LYPD6B: variants seen among roughly 807,000 people sequenced by gnomAD.
LYPD6B encodes the protein LY6/PLAUR domain containing 6B, also known as ly6/PLAUR domain-containing protein 6B.
LYPD6B carries 17 observed loss-of-function variants against 22.8 expected under a neutral mutation model. The ratio of observed to expected loss-of-function variants is 0.75; its 90% CI spans 0.51 to 1.12. The LOEUF (loss-of-function observed/expected upper bound fraction) is 1.12, where lower values mean the gene tolerates loss of function less well. Among genes scored for constraint, LYPD6B ranks in the 50% most tolerant of loss-of-function variants. The pLI is 0.00. For missense variants in LYPD6B, 221 were observed against 258.3 expected (o/e 0.86, Z 0.99); for synonymous variants, 106 against 91.6 (o/e 1.16, Z -0.90).
At chr2:149,072,587 A>G (rs1192131610) in intron 1 of LYPD6B, among the ~76,000 whole-genome samples, 1 of 148,950 alleles carries the variant, frequency 6.7e-6, no homozygotes, top group Non-Finnish European at 1.5e-5. Flanking sequence ...CCCAGGCTGG[A>G]GTGCAGTGGC....
chr2:149,080,863 A>C (rs1467691366), intron 1 of LYPD6B, among the ~76,000 whole-genome samples: 1 of 129,230 alleles, frequency 7.7e-6, no homozygotes, highest in African/African-American at 2.8e-5. Context: ...AAAAAAAAAA[A>C]AAAACCACAC....
intron 5 of LYPD6B, 41 bp downstream of exon 5, chr2:149,208,453 C>T (rs1306745788): frequency 2.8e-6 from 4 of 1,419,800 alleles, no homozygotes; most frequent in Non-Finnish European, 4.0e-6. Flanking sequence ...GATCTCATTT[C>T]ATTTGAATCT....
chr2:149,064,737 A>T (rs2105333527), intron 1 of LYPD6B, among the ~76,000 whole-genome samples: 1 of 152,342 alleles, frequency 6.6e-6, no homozygotes, highest in Middle Eastern at 3.4e-3. Context: ...TAAATGGCAG[A>T]TGTGGCGTTT....
intron 1 of LYPD6B, among the ~76,000 whole-genome samples, chr2:149,053,963 C>T (rs746988057): frequency 3.3e-5 from 5 of 152,144 alleles, no homozygotes; most frequent in Admixed American, 1.3e-4. Flanking sequence ...AATAATATTC[C>T]GTTGTACGAA....
intron 1 of LYPD6B, among the ~76,000 whole-genome samples, chr2:149,096,920 C>A (rs1685929135): frequency 6.6e-6 from 1 of 152,190 alleles, no homozygotes; most frequent in Non-Finnish European, 1.5e-5. Flanking sequence ...ACCTTTAAAA[C>A]TCCAGTTGTT....
At chr2:149,076,655 A>G (rs1266297851) in intron 1 of LYPD6B, among the ~76,000 whole-genome samples, 1 of 152,206 alleles carries the variant, frequency 6.6e-6, no homozygotes, top group Non-Finnish European at 1.5e-5. Context: ...TCTGTGAAAA[A>G]AAGACAAGAA....
rs763241955 is a variant in LYPD6B, at chr2:149,214,735, A to G, written c.*25A>G. The G allele has an allele frequency of 6.2e-7, 1 of 1,612,464 alleles. No homozygotes were observed. The highest frequency in any genetic ancestry group is 8.5e-7 in the Non-Finnish European group (1 of 1,178,590). On this transcript the variant is annotated 3_prime_UTR_variant, in exon 7 of 7. Coordinates refer to ENST00000409642, the MANE Select transcript of LYPD6B (RefSeq NM_177964.5). The stretch of plus-strand genomic sequence containing the variant: ...ATGCCACCATTCCTAGGAGAGGCAG[A>G]GACCAGCCTCTAAAGCACAAGCCAA...
intron 1 of LYPD6B, among the ~76,000 whole-genome samples, chr2:149,058,528 C>T (rs1683911218): frequency 6.6e-6 from 1 of 152,198 alleles, no homozygotes; most frequent in Non-Finnish European, 1.5e-5. Context: ...AGAAACACTG[C>T]TCATTAGTGA....
chr2:149,068,738 T>A, intron 1 of LYPD6B: 1 of 531,864 alleles, frequency 1.9e-6, no homozygotes, highest in Non-Finnish European at 3.8e-6. Context: ...GTCATCCACA[T>A]CTACTTCAAG....
rs561909647 is a variant in LYPD6B at position 149,123,488 on chromosome 2, G to A, written c.-66-7395G>A. On this transcript the variant is annotated intron_variant, in intron 1 of 6. Transcript: ENST00000409642. ...GTAACTAAAGTTGGACAATTACTAC[G>A]CGGAGGAAAGGGCACTGAACTGATA... Among the ~76,000 whole-genome samples, 23 of 152,178 alleles carry A rather than the reference G, an allele frequency of 1.5e-4. No homozygotes were observed. The South Asian group carries it at 4.1e-3, about 27-fold the overall frequency.
chr2:149,121,924 C>G (rs1416042864), intron 1 of LYPD6B, among the ~76,000 whole-genome samples: 1 of 152,172 alleles, frequency 6.6e-6, no homozygotes, highest in Non-Finnish European at 1.5e-5. Flanking sequence ...TCAGGAGTCA[C>G]CCTCCTGGAG....
intron 3 of LYPD6B, among the ~76,000 whole-genome samples, chr2:149,176,987 C>T (rs1341196001): frequency 1.3e-5 from 2 of 152,200 alleles, no homozygotes; most frequent in Non-Finnish European, 2.9e-5. Flanking sequence ...AATGTCTTAC[C>T]TGCTTTCATC....
At chr2:149,131,486 G>A (rs770013042) in intron 2 of LYPD6B, 1 of 152,486 alleles carries the variant, frequency 6.6e-6, no homozygotes, top group African/African-American at 2.4e-5. Context: ...GAGAGAAAGA[G>A]CGAGGAAATA....
At chr2:149,157,645 T>C (rs1039994144) in intron 2 of LYPD6B, among the ~76,000 whole-genome samples, 3 of 152,202 alleles carry the variant, frequency 2.0e-5, no homozygotes, top group Non-Finnish European at 4.4e-5. Flanking sequence ...CGGGTGTGCA[T>C]TGACATGCCT....
At chr2:149,168,026 A>G (rs1403027070) in intron 3 of LYPD6B, among the ~76,000 whole-genome samples, 1 of 151,948 alleles carries the variant, frequency 6.6e-6, no homozygotes, top group African/African-American at 2.4e-5. Flanking sequence ...CATGGCAAAC[A>G]TGTCAAAACC....
chr2:149,150,957 T>A (rs1689331232), intron 2 of LYPD6B, among the ~76,000 whole-genome samples: 2 of 152,188 alleles, frequency 1.3e-5, no homozygotes, highest in South Asian at 4.1e-4. Flanking sequence ...TCCTACCCTA[T>A]TCTCATTATT....
intron 2 of LYPD6B, among the ~76,000 whole-genome samples, chr2:149,154,302 G>C (rs997216708): frequency 6.6e-6 from 1 of 152,024 alleles, no homozygotes; most frequent in African/African-American, 2.4e-5. Flanking sequence ...AAAAGGCAGA[G>C]ATTGGAGTTA....
At chr2:149,111,882 A>G (rs899043990) in intron 1 of LYPD6B, among the ~76,000 whole-genome samples, 2 of 152,182 alleles carry the variant, frequency 1.3e-5, no homozygotes, top group Admixed American at 6.5e-5. Context: ...ATGAGATCCA[A>G]GACAGTGATA....
chr2:149,204,618 C>T (rs1219703892), intron 3 of LYPD6B: 1 of 153,946 alleles, frequency 6.5e-6, no homozygotes, highest in African/African-American at 2.4e-5. Flanking sequence ...AGCCTCCTGG[C>T]AGCTTCTTGT....
Sources: allele counts gnomAD v4.1 joint callset (sites outside exome capture counted in the v4.1 genomes callset), GRCh38; gene constraint gnomAD v4.1.1; transcripts MANE v1.5; gene names NCBI Gene and HGNC (gene_info 2026-07-23, HGNC 2026-07-21).